The following BTBD9 variants were observed in gnomAD, a reference collection of about 807,000 sequenced individuals.
The protein encoded by BTBD9 is BTB/POZ domain-containing protein 9.
Under a neutral mutation model 64.3 loss-of-function variants are expected in BTBD9, and 49 were observed. That is an observed-to-expected ratio of 0.76 (90% CI 0.61 to 0.97). BTBD9 has a LOEUF of 0.97. Ranked by LOEUF, BTBD9 falls within the 50% of genes least tolerant of loss-of-function variation. BTBD9 has a pLI of 0.00. For synonymous variants in BTBD9, 260 were observed against 274.7 expected (o/e 0.95, Z 0.53); for missense variants, 598 against 762.1 (o/e 0.78, Z 2.53).
chr6:38,214,010 A>T (rs7453235), intron 9 of BTBD9, among the ~76,000 whole-genome samples: 5 of 147,600 alleles, frequency 3.4e-5, no homozygotes, highest in African/African-American at 9.9e-5. Context: ...AAACAAACAA[A>T]AATAATAATA....
intron 7 of BTBD9, among the ~76,000 whole-genome samples, chr6:38,330,652 G>A (rs1192143152): frequency 2.6e-5 from 4 of 152,116 alleles, no homozygotes; most frequent in Non-Finnish European, 4.4e-5. Flanking sequence ...AGAAAACTTA[G>A]AATAACTATG....
At chr6:38,389,932 T>C (rs1766337155) in intron 6 of BTBD9, among the ~76,000 whole-genome samples, 1 of 152,204 alleles carries the variant, frequency 6.6e-6, no homozygotes, top group Non-Finnish European at 1.5e-5. Flanking sequence ...GAATAGAATT[T>C]CTTCCTTTCT....
At position 38,610,926 on chromosome 6, in the gene BTBD9, G is replaced by T. The variant is rs536379657; in HGVS notation, c.-27-12805C>A. On this transcript the variant is annotated intron_variant, in intron 1 of 10. Coordinates refer to ENST00000481247, the MANE Select transcript of BTBD9 (RefSeq NM_001099272.2). ...CTGCAAAAAACCGGGGTGGGGGGGG[G>T]ACTAAACGTCCATCAATACGGTGAA... Among the ~76,000 whole-genome samples the T allele has an allele frequency of 3.2e-4, 45 of 142,556 alleles. No individual in the cohort carries two copies. In the East Asian group the frequency reaches 5.8e-3, roughly 18 times the overall value. 93.5% of individuals were successfully genotyped at this position (142,556 alleles called of 152,430 possible).
intron 6 of BTBD9, among the ~76,000 whole-genome samples, chr6:38,516,469 A>G (rs1773032242): frequency 6.6e-6 from 1 of 152,168 alleles, no homozygotes; most frequent in Admixed American, 6.5e-5. Context: ...ACCGGCAAAG[A>G]ATTTCCATGC....
rs143729022 is a variant in BTBD9 at position 38,297,769 on chromosome 6, G to A, written c.1265-9308C>T. 7.7e-4 allele frequency among the ~76,000 whole-genome samples: 117 copies of A among 151,048 alleles called. 1 individual carries two copies. The South Asian group carries it at 9.4e-3, about 12-fold the overall frequency. On this transcript the variant is annotated intron_variant, in intron 7 of 10. Transcript: ENST00000481247. ...TGTTATTACTAATTTATTTGAACTC[G>A]CTTTTATTTTCTATTTACATGTTTT...
Position 38,408,909 on chromosome 6 carries a change from GC to G in BTBD9, c.1155-63817del, listed in dbSNP as rs567432456. Among the ~76,000 whole-genome samples, 281 of 152,292 alleles carry G rather than the reference GC, an allele frequency of 1.8e-3. 1 individual carries two copies. Among genetic ancestry groups the G allele is most frequent in the African/African-American group, 6.5e-3 (272 of 41,564 alleles). ...AAGGAAAATGATACGAAATTCTAAT[GC>G]TTAGGTACTACTTCAGGTACCAGTG... On this transcript the variant is annotated intron_variant, in intron 6 of 10. Coordinates refer to ENST00000481247, the MANE Select transcript of BTBD9 (RefSeq NM_001099272.2).
At chr6:38,375,950 G>GGAAA (rs1411416474) in intron 6 of BTBD9, among the ~76,000 whole-genome samples, 1 of 72,480 alleles carries the variant, frequency 1.4e-5, no homozygotes, top group Non-Finnish European at 2.5e-5. Context: ...AAGGAAAGAA[G>GGAAA]GAAAGAAAGA....
At chr6:38,422,342 C>A (rs1001375110) in intron 6 of BTBD9, among the ~76,000 whole-genome samples, 1 of 152,102 alleles carries the variant, frequency 6.6e-6, no homozygotes, top group African/African-American at 2.4e-5. Flanking sequence ...TCCTACAACC[C>A]ATTCTTTTCC....
intron 6 of BTBD9, among the ~76,000 whole-genome samples, chr6:38,516,981 AC>A (rs1275044985): frequency 6.6e-6 from 1 of 152,214 alleles, no homozygotes; most frequent in Admixed American, 6.5e-5. Flanking sequence ...GTAAGAACTT[AC>A]AGAATTCAAA....
intron 1 of BTBD9, among the ~76,000 whole-genome samples, chr6:38,608,768 T>C (rs975486962): frequency 6.6e-6 from 1 of 152,212 alleles, no homozygotes; most frequent in Non-Finnish European, 1.5e-5. Flanking sequence ...AAAATATTGA[T>C]TTATAAGTTT....
intron 6 of BTBD9, among the ~76,000 whole-genome samples, chr6:38,370,441 G>T (rs1459112145): frequency 1.3e-5 from 2 of 152,178 alleles, no homozygotes; most frequent in Non-Finnish European, 2.9e-5. Context: ...AAAGATACTG[G>T]CTTCTTTCCC....
At chr6:38,551,357 T>C (rs1774795392) in intron 6 of BTBD9, among the ~76,000 whole-genome samples, 1 of 152,146 alleles carries the variant, frequency 6.6e-6, no homozygotes, top group Admixed American at 6.5e-5. Flanking sequence ...ACTAGCACAG[T>C]GTACACTTGG....
intron 7 of BTBD9, among the ~76,000 whole-genome samples, chr6:38,322,622 G>A (rs1171915607): frequency 6.6e-6 from 1 of 152,208 alleles, no homozygotes; most frequent in Non-Finnish European, 1.5e-5. Flanking sequence ...TACCCACCCA[G>A]AGGCCAATAG....
At chr6:38,599,792 TTTAG>T (rs1777182473) in intron 1 of BTBD9, among the ~76,000 whole-genome samples, 1 of 152,214 alleles carries the variant, frequency 6.6e-6, no homozygotes, top group Non-Finnish European at 1.5e-5. Context: ...ATCTGCCTGC[TTTAG>T]TTAACCTACC....
intron 6 of BTBD9, among the ~76,000 whole-genome samples, chr6:38,472,139 C>G (rs926878506): frequency 6.6e-6 from 1 of 152,226 alleles, no homozygotes; most frequent in Non-Finnish European, 1.5e-5. Flanking sequence ...TTCCACCACA[C>G]TTGTATCCTA....
At chr6:38,232,741 T>G (rs1393964007) in intron 9 of BTBD9, among the ~76,000 whole-genome samples, 1 of 151,950 alleles carries the variant, frequency 6.6e-6, no homozygotes, top group Non-Finnish European at 1.5e-5. Flanking sequence ...TCAAGCGATC[T>G]TCCCACCTCA....
intron 9 of BTBD9, among the ~76,000 whole-genome samples, chr6:38,217,615 C>T (rs568832430): frequency 6.6e-6 from 1 of 151,804 alleles, no homozygotes; most frequent in South Asian, 2.1e-4. Flanking sequence ...TGTGATGGAA[C>T]AGAATGTCTA....
intron 4 of BTBD9, among the ~76,000 whole-genome samples, chr6:38,582,732 C>G (rs545703345): frequency 1.3e-5 from 2 of 152,150 alleles, no homozygotes; most frequent in Admixed American, 6.5e-5. Context: ...TCATTCACCC[C>G]CCTTGAGTAA....
At chr6:38,298,878 T>C (rs997904799) in intron 7 of BTBD9, among the ~76,000 whole-genome samples, 6 of 151,790 alleles carry the variant, frequency 4.0e-5, no homozygotes, top group Admixed American at 2.0e-4. Flanking sequence ...TAATATACTT[T>C]AAGTTTTAGG....
Sources: allele counts gnomAD v4.1 joint callset (sites outside exome capture counted in the v4.1 genomes callset), GRCh38; gene constraint gnomAD v4.1.1; transcripts MANE v1.5; gene names NCBI Gene and HGNC (gene_info 2026-07-23, HGNC 2026-07-21).